CHST11: variants seen among roughly 807,000 people sequenced by gnomAD.
CHST11 encodes carbohydrate sulfotransferase 11.
Under a neutral mutation model 30.4 loss-of-function variants are expected in CHST11, and 9 were observed. That is an observed-to-expected ratio of 0.30 (90% confidence interval 0.18 to 0.52). The LOEUF is 0.52. Ranked by LOEUF, CHST11 falls within the 20% of genes least tolerant of loss-of-function variation. CHST11 has a pLI of 0.97. For synonymous variants in CHST11, 152 were observed against 187.8 expected (o/e 0.81, Z 1.56); for missense variants, 348 against 460.6 (o/e 0.76, Z 2.24).
chr12:104,561,760 C>T (rs760919740), intron 1 of CHST11, among the ~76,000 whole-genome samples: 3 of 151,372 alleles, frequency 2.0e-5, no homozygotes, highest in Non-Finnish European at 2.9e-5. Context: ...ATCCTCACAA[C>T]GGTCTTACTG....
intron 2 of CHST11, 35 bp from the exon 3 acceptor site, chr12:104,756,914 A>T (rs766547271): frequency 7.6e-6 from 12 of 1,586,538 alleles, no homozygotes; most frequent in East Asian, 4.5e-5. Context: ...TCAGGCAAGT[A>T]CTGAGTTCTT....
chr12:104,662,957 G>A (rs994895690), intron 2 of CHST11, among the ~76,000 whole-genome samples: 5 of 152,218 alleles, frequency 3.3e-5, no homozygotes, highest in Non-Finnish European at 7.3e-5. Context: ...TAGAAATTGT[G>A]CCACGGAGCC....
chr12:104,548,018 A>G (rs2038367687), intron 1 of CHST11, among the ~76,000 whole-genome samples: 1 of 151,904 alleles, frequency 6.6e-6, no homozygotes, highest in Admixed American at 6.6e-5. Flanking sequence ...GCCAAAGCTG[A>G]CCTCCCACCT....
chr12:104,650,916 T>C (rs1354971728), intron 2 of CHST11, among the ~76,000 whole-genome samples: 2 of 152,240 alleles, frequency 1.3e-5, no homozygotes, highest in African/African-American at 4.8e-5. Context: ...CCCTCTGTGA[T>C]CCTGGGCAAG....
At chr12:104,504,630 C>CA (rs1222488659) in intron 1 of CHST11, among the ~76,000 whole-genome samples, 10 of 152,292 alleles carry the variant, frequency 6.6e-5, no homozygotes, top group African/African-American at 2.4e-4. Context: ...AAAGCCTGTT[C>CA]ATGGCCTAGG....
intron 2 of CHST11, among the ~76,000 whole-genome samples, chr12:104,709,142 CAAAG>C (rs1025857771): frequency 6.6e-6 from 1 of 152,228 alleles, no homozygotes; most frequent in Admixed American, 6.5e-5. Flanking sequence ...AACTGCAAAA[CAAAG>C]AAATGCTTAA....
chr12:104,709,766 G>A (rs1429712963), intron 2 of CHST11, among the ~76,000 whole-genome samples: 1 of 152,134 alleles, frequency 6.6e-6, no homozygotes, highest in African/African-American at 2.4e-5. Flanking sequence ...AGGGGGATGG[G>A]GACAGAGGGT....
chr12:104,598,874 C>A (rs921826760), intron 1 of CHST11, among the ~76,000 whole-genome samples: 4 of 149,934 alleles, frequency 2.7e-5, no homozygotes, highest in Non-Finnish European at 4.5e-5. Flanking sequence ...ATCCTCGTGG[C>A]CAGCTGGCCT....
intron 2 of CHST11, among the ~76,000 whole-genome samples, chr12:104,626,423 A>T (rs1025762761): frequency 6.6e-6 from 1 of 152,148 alleles, no homozygotes; most frequent in Non-Finnish European, 1.5e-5. Context: ...TATTCATGTT[A>T]ACCTTAAAAG....
chr12:104,590,712 A>G (rs1265807747), intron 1 of CHST11, among the ~76,000 whole-genome samples: 1 of 152,110 alleles, frequency 6.6e-6, no homozygotes, highest in East Asian at 2.0e-4. Flanking sequence ...ACTTGAAGCC[A>G]GGAGTTCAAG....
At position 104,466,301 on chromosome 12, in the gene CHST11, G is replaced by A. The variant is rs115687654; in HGVS notation, c.118+8772G>A. Among the ~76,000 whole-genome samples the A allele has an allele frequency of 1.2e-3, 188 of 152,148 alleles. 1 individual carries two copies. Among genetic ancestry groups the A allele is most frequent in the African/African-American group, 4.3e-3 (179 of 41,522 alleles). On this transcript the variant is annotated intron_variant, in intron 1 of 2. Transcript: ENST00000303694. ...TTTATATAATAATTAATAAACAAAC[G>A]TATGTTGGCATGGCTGTTCAAAAAA...
intron 2 of CHST11, among the ~76,000 whole-genome samples, chr12:104,655,840 G>C (rs144376624): frequency 2.0e-5 from 3 of 152,314 alleles, no homozygotes; most frequent in African/African-American, 4.8e-5. Context: ...CTGTATAGTT[G>C]CTTATGTAAA....
intron 2 of CHST11, among the ~76,000 whole-genome samples, chr12:104,614,594 T>C (rs1024583561): frequency 2.2e-4 from 33 of 151,972 alleles, no homozygotes; most frequent in Admixed American, 1.4e-3. Flanking sequence ...ATACATGACG[T>C]TGGAGGAGCA....
intron 1 of CHST11, among the ~76,000 whole-genome samples, chr12:104,482,789 T>G (rs7976717): frequency 0.65 from 98,346 of 151,872 alleles, 32,992 homozygotes; most frequent in African/African-American, 0.82. Flanking sequence ...TTCAACTCGG[T>G]CCCAACTCAC....
intron 2 of CHST11, among the ~76,000 whole-genome samples, chr12:104,712,141 G>A (rs2040093591): frequency 6.6e-6 from 1 of 152,128 alleles, no homozygotes; most frequent in South Asian, 2.1e-4. Flanking sequence ...GAAGGCGCGG[G>A]GTGAGCATTT....
intron 1 of CHST11, among the ~76,000 whole-genome samples, chr12:104,488,886 G>C (rs770878580): frequency 2.3e-4 from 35 of 152,210 alleles, no homozygotes; most frequent in Admixed American, 3.9e-4. Context: ...GGAAGTCCAG[G>C]ATCAAGATAT....
At chr12:104,701,640 C>T (rs2039991275) in intron 2 of CHST11, among the ~76,000 whole-genome samples, 1 of 152,318 alleles carries the variant, frequency 6.6e-6, no homozygotes, top group Middle Eastern at 3.4e-3. Context: ...CCAGGTGAGA[C>T]TTTAGGATGC....
At chr12:104,601,798 T>A in intron 1 of CHST11, 108 bp from the exon 2 acceptor site, 4 of 825,562 alleles carry the variant, frequency 4.8e-6, no homozygotes, top group Non-Finnish European at 7.8e-6. Flanking sequence ...AAGCTGGTTT[T>A]CTCTTTCTTT....
At chr12:104,522,943 A>C (rs964062928) in intron 1 of CHST11, among the ~76,000 whole-genome samples, 2 of 152,084 alleles carry the variant, frequency 1.3e-5, no homozygotes, top group African/African-American at 4.8e-5. Context: ...TCATTTTTTC[A>C]TGCTTGATTT....
Sources: gnomAD v4.1 joint callset for allele counts (sites outside exome capture counted in the v4.1 genomes callset) on GRCh38, gnomAD v4.1.1 for gene constraint, MANE v1.5 for transcripts, NCBI Gene and HGNC (gene_info 2026-07-23, HGNC 2026-07-21) for gene names.